The following WNT2 variants were observed in gnomAD, a reference collection of about 807,000 sequenced individuals.
WNT2 encodes the protein Wnt family member 2.
A neutral mutation model predicts 36.9 loss-of-function variants in WNT2; 12 were observed. The observed-to-expected ratio is 0.33, with a 90% CI of 0.21 to 0.53. WNT2 has a LOEUF of 0.53. Among genes scored for constraint, WNT2 ranks in the 20% least tolerant of loss-of-function variants. The probability of loss-of-function intolerance (pLI) is 0.95; values close to 1 mark genes in which losing one functional copy is unlikely to be tolerated. For missense variants in WNT2, 379 were observed against 473.1 expected (o/e 0.80, Z 1.84); for synonymous variants, 163 against 174.6 (o/e 0.93, Z 0.52).
intron 4 of WNT2, among the ~76,000 whole-genome samples, chr7:117,291,935 G>A (rs964566237): frequency 2.0e-5 from 3 of 151,710 alleles, no homozygotes; most frequent in Admixed American, 6.6e-5. Flanking sequence ...GCACCACCAC[G>A]CCTGGCTAAT....
chr7:117,312,755 C>G (rs1027503479), intron 3 of WNT2, among the ~76,000 whole-genome samples: 1 of 152,128 alleles, frequency 6.6e-6, no homozygotes, highest in African/African-American at 2.4e-5. Flanking sequence ...CACAGAGGAT[C>G]TAAAATGACA....
intron 3 of WNT2, among the ~76,000 whole-genome samples, chr7:117,312,068 CA>C (rs1795131343): frequency 6.6e-6 from 1 of 152,228 alleles, no homozygotes; most frequent in Non-Finnish European, 1.5e-5. Context: ...GAGTTATTTT[CA>C]TACAGATTCC....
chr7:117,297,588 A>G, intron 4 of WNT2, 24 bp downstream of exon 4: 1 of 1,596,458 alleles, frequency 6.3e-7, no homozygotes, highest in South Asian at 1.1e-5. Context: ...ATTAGGTACT[A>G]TAAAGAAAGT....
chr7:117,301,323 G>A (rs915200866), intron 3 of WNT2, among the ~76,000 whole-genome samples: 5 of 152,000 alleles, frequency 3.3e-5, no homozygotes, highest in Admixed American at 2.6e-4. Context: ...ACCTTGAAGT[G>A]GACAAAACTG....
chr7:117,317,700 T>G (rs1307993328), intron 2 of WNT2, among the ~76,000 whole-genome samples: 1 of 152,224 alleles, frequency 6.6e-6, no homozygotes, highest in African/African-American at 2.4e-5. Context: ...GACATCTGTA[T>G]TTCCTAATGT....
chr7:117,293,889 C>G (rs1020615159), intron 4 of WNT2, among the ~76,000 whole-genome samples: 2 of 152,070 alleles, frequency 1.3e-5, no homozygotes, highest in African/African-American at 4.8e-5. Flanking sequence ...TGAAAGGCAG[C>G]TTTAAGGCCC....
chr7:117,321,836 G>A lies in WNT2; in HGVS notation c.84-1043C>T, dbSNP rs80272244. ...TTTGATCCTGTGTCAGCAATGTCAA[G>A]GCTAAACGCCTCCCTGTTCAAAGCC... On this transcript the variant is annotated intron_variant, in intron 1 of 4. Transcript: ENST00000265441. 3.3e-5 allele frequency among the ~76,000 whole-genome samples: 5 copies of A among 152,276 alleles called. 1 individual carries two copies. In the East Asian group the frequency reaches 9.6e-4, roughly 29 times the overall value.
chr7:117,318,235 AC>A (rs1251358093), intron 2 of WNT2, among the ~76,000 whole-genome samples: 1 of 152,164 alleles, frequency 6.6e-6, no homozygotes, highest in African/African-American at 2.4e-5. Context: ...CTAAGACGTA[AC>A]TTTTTCTCCA....
rs893785544 is a variant in WNT2, at chr7:117,302,205, A to C, written c.589-4329T>G. On this transcript the variant is annotated intron_variant, in intron 3 of 4. Transcript: ENST00000265441. ...GAGAGAAATAATGGGGGATTACATT[A>C]CATCTTCCAAACTAATCATTAAAAA... 2.6e-5 allele frequency among the ~76,000 whole-genome samples: 4 copies of C among 152,364 alleles called. 1 individual carries two copies. In the South Asian group the frequency reaches 8.3e-4, roughly 32 times the overall value.
At chr7:117,319,531 G>GA (rs944560519) in intron 2 of WNT2, among the ~76,000 whole-genome samples, 2 of 145,750 alleles carry the variant, frequency 1.4e-5, no homozygotes, top group African/African-American at 5.1e-5. Flanking sequence ...TTGGGGGGGG[G>GA]GGTAGGCAAA....
At chr7:117,292,312 C>T (rs1370614420) in intron 4 of WNT2, among the ~76,000 whole-genome samples, 2 of 152,140 alleles carry the variant, frequency 1.3e-5, no homozygotes, top group East Asian at 1.9e-4. Context: ...CACACACACA[C>T]ACACACTGGG....
chr7:117,287,125 G>A (rs1173964581), intron 4 of WNT2, among the ~76,000 whole-genome samples: 1 of 152,138 alleles, frequency 6.6e-6, no homozygotes, highest in Non-Finnish European at 1.5e-5. Flanking sequence ...AAGGCAGGCG[G>A]ATCACAAGTT....
rs1024934088 is a variant in WNT2 at position 117,281,007 on chromosome 7, G to C, written c.854-2623C>G. ...TTCTTGGTATTAATAGTAGCAAATA[G>C]ATCCATCAACTGCACAGTTTTACAG... On this transcript the variant is annotated intron_variant, in intron 4 of 4. Coordinates refer to ENST00000265441, the MANE Select transcript of WNT2 (RefSeq NM_003391.3). 5.3e-5 allele frequency among the ~76,000 whole-genome samples: 8 copies of C among 152,208 alleles called. 1 individual carries two copies. Among genetic ancestry groups the C allele is most frequent in the African/African-American group, 9.6e-5 (4 of 41,454 alleles).
chr7:117,287,633 C>T (rs115881996), intron 4 of WNT2, among the ~76,000 whole-genome samples: 142 of 152,224 alleles, frequency 9.3e-4, no homozygotes, highest in African/African-American at 3.2e-3. Context: ...CTTCTATATA[C>T]TGTGTGGTCA....
rs773470613 is a variant in WNT2, at chr7:117,278,278, C to T, written c.960G>A (p.Arg320=). ...GGAACTTACACCCACACTTGGTCAT[C>T]CGGGTGACATGGGAGGTGTCGTAGC... is the stretch of plus-strand genomic sequence containing the variant. ...GRGYDTSHVT[R]MTKCGCKFHW... Residue 320 remains arginine, a synonymous_variant, in exon 5 of 5, where the codon CGG becomes CGA. Transcript: ENST00000265441. 7 of 1,614,114 alleles carry T rather than the reference C, an allele frequency of 4.3e-6. No individual in the cohort carries two copies. The East Asian group carries it at 1.6e-4, about 36-fold the overall frequency.
At chr7:117,319,969 C>T (rs1340188171) in intron 2 of WNT2, among the ~76,000 whole-genome samples, 8 of 152,144 alleles carry the variant, frequency 5.3e-5, no homozygotes. Flanking sequence ...AAGCAAGGTG[C>T]AGGGAATATA....
At chr7:117,308,216 G>T (rs1486517257) in intron 3 of WNT2, among the ~76,000 whole-genome samples, 1 of 152,142 alleles carries the variant, frequency 6.6e-6, no homozygotes, top group Non-Finnish European at 1.5e-5. Context: ...CAGCTGATTT[G>T]CTTATGCAAA....
intron 3 of WNT2, chr7:117,301,102 T>C (rs759060108): frequency 9.2e-5 from 14 of 152,204 alleles, no homozygotes; most frequent in Non-Finnish European, 1.9e-4. Context: ...TTTCAACAGG[T>C]ACCATGGTCA....
intron 4 of WNT2, among the ~76,000 whole-genome samples, chr7:117,295,728 G>A (rs1184210475): frequency 2.8e-4 from 42 of 152,190 alleles, no homozygotes; most frequent in Non-Finnish European, 1.5e-5. Context: ...TGTCTAATGG[G>A]TCAAAGCACA....
Sources: allele counts gnomAD v4.1 joint callset (sites outside exome capture counted in the v4.1 genomes callset), GRCh38; gene constraint gnomAD v4.1.1; transcripts MANE v1.5; gene names NCBI Gene and HGNC (gene_info 2026-07-23, HGNC 2026-07-21).